The following NEURL1 variants were observed in gnomAD, a reference collection of about 807,000 sequenced individuals.
NEURL1 encodes the protein neuralized E3 ubiquitin protein ligase 1.
In NEURL1, 26 loss-of-function variants were observed where a neutral mutation model predicts 41.2. That is an observed-to-expected ratio of 0.63 (90% confidence interval 0.46 to 0.87). The LOEUF (loss-of-function observed/expected upper bound fraction) is 0.87. NEURL1 is among the 40% of genes least tolerant of loss of function. The probability of loss-of-function intolerance (pLI) is 0.00; values close to 1 mark genes in which losing one functional copy is unlikely to be tolerated. For missense variants in NEURL1, 761 were observed against 871.1 expected, an observed-to-expected ratio of 0.87 and a Z score of 1.59; for synonymous variants, 400 against 402.3, an observed-to-expected ratio of 0.99 and a Z score of 0.07.
At chr10:103,568,033 G>T (rs1037361022) in intron 1 of NEURL1, among the ~76,000 whole-genome samples, 1 of 152,148 alleles carries the variant, frequency 6.6e-6, no homozygotes, top group South Asian at 2.1e-4. Flanking sequence ...CTGGTCTCAG[G>T]GATACGGGAG....
At chr10:103,527,389 G>C (rs2034482950) in intron 1 of NEURL1, among the ~76,000 whole-genome samples, 1 of 150,534 alleles carries the variant, frequency 6.6e-6, no homozygotes, top group Admixed American at 6.6e-5. Flanking sequence ...CTACCTCCCA[G>C]GTTCAAGCGA....
intron 1 of NEURL1, among the ~76,000 whole-genome samples, chr10:103,535,027 T>C (rs1306570582): frequency 6.6e-6 from 1 of 152,104 alleles, no homozygotes; most frequent in African/African-American, 2.4e-5. Flanking sequence ...ATGGCTGCAA[T>C]TCAGGAACTT....
In NEURL1 at chr10:103,585,157, T is replaced by G. The variant is rs745490891; in HGVS notation, c.1271T>G (p.Val424Gly). ...NGAAAGMQLC[V>G]DASQPLWMLF... Reference sequence around the variant, plus strand: ...GCGGCCGCCGGCATGCAGCTGTGCGTGGACGCCTCGCAGCCGCTTTGGATG... The same window carrying G: ...GCGGCCGCCGGCATGCAGCTGTGCGGGGACGCCTCGCAGCCGCTTTGGATG... Residue 424 changes from valine (V) to glycine (G), a missense_variant, in exon 4 of 6, where the codon GTG becomes GGG. Val to Gly is a moderately radical substitution (Grantham distance 109, BLOSUM62 -3). Coordinates refer to ENST00000369780, the MANE Select transcript of NEURL1 (RefSeq NM_004210.5). 3.6e-5 allele frequency: 57 copies of G among 1,590,724 alleles called. No individual in the cohort carries two copies. The highest frequency in any genetic ancestry group is 5.1e-5 in the Admixed American group (3 of 59,150).
intron 3 of NEURL1, among the ~76,000 whole-genome samples, chr10:103,581,546 A>C (rs2035783588): frequency 6.6e-6 from 1 of 152,216 alleles, no homozygotes; most frequent in Non-Finnish European, 1.5e-5. Context: ...AGGAAATGGC[A>C]GGGCCAGGAT....
intron 3 of NEURL1, 98 bp from the exon 4 acceptor site, chr10:103,584,438 G>C (rs1247384198): frequency 4.2e-6 from 3 of 717,360 alleles, no homozygotes; most frequent in Non-Finnish European, 5.9e-6. Context: ...TTAGCCATCC[G>C]GGATTGTAAC....
chr10:103,503,343 A>G (rs1220511517), intron 1 of NEURL1, among the ~76,000 whole-genome samples: 1 of 152,182 alleles, frequency 6.6e-6, no homozygotes. Context: ...AAGAGGGCAG[A>G]ACTTAGAGAA....
At chr10:103,559,245 G>C (rs2035228454) in intron 1 of NEURL1, among the ~76,000 whole-genome samples, 1 of 152,164 alleles carries the variant, frequency 6.6e-6, no homozygotes, top group Non-Finnish European at 1.5e-5. Flanking sequence ...CTTAGACCAA[G>C]GGGAGCTCCG....
intron 1 of NEURL1, among the ~76,000 whole-genome samples, chr10:103,519,185 T>C (rs1316694001): frequency 6.6e-6 from 1 of 151,744 alleles, no homozygotes. Flanking sequence ...AGATGGAGGT[T>C]GCAGTGAGCC....
In NEURL1 at chr10:103,584,771, T is replaced by A. The variant is rs2035867076; in HGVS notation, c.885T>A (p.Arg295=). 3.5e-6 allele frequency: 5 copies of A among 1,448,672 alleles called. No homozygotes were observed. In the South Asian group the frequency reaches 6.7e-5, roughly 19 times the overall value. The allele number at this position is 1,448,672 out of a possible 1,614,324, so 89.7% of individuals were successfully genotyped here. A position where few individuals can be genotyped will look rare whatever the true frequency, so the allele number is the denominator to read the frequency against. Residue 295 remains arginine (R), a synonymous_variant, in exon 4 of 6, where the codon CGT becomes CGA. Coordinates refer to ENST00000369780, the MANE Select transcript of NEURL1 (RefSeq NM_004210.5). ...CGGCGCAGCTCGACGGCGACCTGCG[T>A]TTCCACGCCCTGCGCGCCGGCGCGC... The part of the protein sequence containing the change: ...ALPAQLDGDL[R]FHALRAGAHV...
intron 1 of NEURL1, among the ~76,000 whole-genome samples, chr10:103,512,425 G>A (rs888661549): frequency 6.6e-6 from 1 of 152,198 alleles, no homozygotes; most frequent in South Asian, 2.1e-4. Context: ...GGGACCATTG[G>A]TCCTGGCTCT....
intron 1 of NEURL1, among the ~76,000 whole-genome samples, chr10:103,500,832 A>C (rs1187155833): frequency 6.6e-6 from 1 of 152,156 alleles, no homozygotes; most frequent in Non-Finnish European, 1.5e-5. Context: ...GACTCAGAAT[A>C]TATTGGGGAT....
At chr10:103,580,645 G>A (rs2035766646) in intron 3 of NEURL1, among the ~76,000 whole-genome samples, 2 of 152,198 alleles carry the variant, frequency 1.3e-5, no homozygotes. Flanking sequence ...TGGGCTCACT[G>A]ATGGGATGGT....
rs1053701692 is a variant in NEURL1, at chr10:103,588,785, A to G, written c.1340-729A>G. 5 of 427,364 alleles carry G rather than the reference A, an allele frequency of 1.2e-5. No individual in the cohort carries two copies. In the Admixed American group the frequency reaches 1.3e-4, roughly 11 times the overall value. 26.5% of individuals were successfully genotyped at this position (427,364 alleles called of 1,614,324 possible). ...ATGGTGAAACCCCGTCTCTATTAAA[A>G]ATATTAAAAAATTAGCTGGGTGTGG... On this transcript the variant is annotated intron_variant, in intron 4 of 5. Coordinates refer to ENST00000369780, the MANE Select transcript of NEURL1 (RefSeq NM_004210.5).
intron 1 of NEURL1, among the ~76,000 whole-genome samples, chr10:103,565,015 C>T (rs1024672286): frequency 1.3e-4 from 20 of 152,142 alleles, no homozygotes; most frequent in African/African-American, 3.1e-4. Flanking sequence ...CACAGCGCAT[C>T]GCGGCCCCAG....
chr10:103,517,074 T>C (rs1241961373), intron 1 of NEURL1, among the ~76,000 whole-genome samples: 1 of 142,232 alleles, frequency 7.0e-6, no homozygotes, highest in African/African-American at 2.6e-5. Flanking sequence ...TCACCCAGGC[T>C]GGAGTACAGT....
At chr10:103,502,013 T>G (rs1057484443) in intron 1 of NEURL1, among the ~76,000 whole-genome samples, 2 of 152,224 alleles carry the variant, frequency 1.3e-5, no homozygotes, top group African/African-American at 4.8e-5. Context: ...GCGATCCTCC[T>G]GCTTCAGCCT....
intron 1 of NEURL1, among the ~76,000 whole-genome samples, chr10:103,498,266 C>T (rs1054496703): frequency 7.9e-5 from 12 of 152,192 alleles, no homozygotes; most frequent in Non-Finnish European, 1.8e-4. Flanking sequence ...CTCGCTCTGT[C>T]GCCCAGGCTG....
intron 1 of NEURL1, among the ~76,000 whole-genome samples, chr10:103,518,175 A>T (rs762415546): frequency 1.3e-5 from 2 of 152,188 alleles, no homozygotes; most frequent in Non-Finnish European, 2.9e-5. Flanking sequence ...TAAGTAAATG[A>T]TGACGTCTAT....
chr10:103,590,277 G>A lies in NEURL1; in HGVS notation c.1630G>A (p.Ala544Thr), dbSNP rs772111973. The A allele has an allele frequency of 2.5e-5, 40 of 1,613,972 alleles. No homozygotes were observed. The highest frequency in any genetic ancestry group is 3.3e-4 in the Middle Eastern group (2 of 6,084). Residue 544 changes from alanine (A) to threonine (T), a missense_variant, in exon 6 of 6, where the codon GCC becomes ACC. Ala to Thr is a moderately conservative substitution (Grantham distance 58). Around this residue, in one of 5 missense-constraint regions of NEURL1, gnomAD observed 45 missense variants for 89.9 expected, o/e 0.50. Coordinates refer to ENST00000369780, the MANE Select transcript of NEURL1 (RefSeq NM_004210.5). ...YTCGHMCLCY[A>T]CGLRLKKALH... ...ATGTGGCCACATGTGCCTCTGCTAC[G>A]CCTGTGGCCTGCGCCTCAAGAAGGC...
Sources: allele counts gnomAD v4.1 joint callset (sites outside exome capture counted in the v4.1 genomes callset), GRCh38; gene constraint gnomAD v4.1.1; regional missense constraint gnomAD v4.1.1; transcripts MANE v1.5; gene names NCBI Gene and HGNC (gene_info 2026-07-23, HGNC 2026-07-21).